The following GRM7 variants were observed in gnomAD, a reference collection of about 807,000 sequenced individuals.
GRM7 encodes the protein glutamate metabotropic receptor 7, also known as metabotropic glutamate receptor 7.
In GRM7, 35 loss-of-function variants were observed where a neutral mutation model predicts 84.5. The observed-to-expected ratio is 0.41, with a 90% CI of 0.32 to 0.55. The LOEUF is 0.55. Among genes scored for constraint, GRM7 ranks in the 20% least tolerant of loss-of-function variants. The pLI is 0.19. For missense variants in GRM7, 1,003 were observed against 1,194.6 expected (o/e 0.84, Z 2.36); for synonymous variants, 487 against 455.1 (o/e 1.07, Z -0.89).
intron 3 of GRM7, among the ~76,000 whole-genome samples, chr3:7,299,832 G>T (rs1699936421): frequency 6.6e-6 from 1 of 151,922 alleles, no homozygotes; most frequent in Admixed American, 6.6e-5. Flanking sequence ...CATGTAATTT[G>T]GATTACAGTC....
intron 2 of GRM7, among the ~76,000 whole-genome samples, chr3:7,280,795 C>T (rs1699228541): frequency 6.6e-6 from 1 of 152,150 alleles, no homozygotes; most frequent in Non-Finnish European, 1.5e-5. Context: ...CCTCAAAGTG[C>T]TTACAATTGA....
intron 1 of GRM7, among the ~76,000 whole-genome samples, chr3:7,061,496 C>T (rs1442172018): frequency 6.6e-6 from 1 of 151,810 alleles, no homozygotes; most frequent in South Asian, 2.1e-4. Flanking sequence ...CCGGAGTTGA[C>T]TGTTTGTAGC....
chr3:7,322,836 A>T (rs1700838862), intron 4 of GRM7, among the ~76,000 whole-genome samples: 1 of 152,034 alleles, frequency 6.6e-6, no homozygotes, highest in Non-Finnish European at 1.5e-5. Flanking sequence ...GAAGCACAAA[A>T]TTCGTTATCC....
chr3:7,673,954 C>T, intron 8 of GRM7, among the ~76,000 whole-genome samples: 1 of 152,088 alleles, frequency 6.6e-6, no homozygotes, highest in East Asian at 1.9e-4. Flanking sequence ...CCTAAGCAGA[C>T]CAGGTTAAGT....
At chr3:7,010,801 T>C (rs1373368736) in intron 1 of GRM7, among the ~76,000 whole-genome samples, 2 of 152,184 alleles carry the variant, frequency 1.3e-5, no homozygotes, top group Non-Finnish European at 2.9e-5. Context: ...GTTCAGTCCC[T>C]TTTGTGGGAA....
intron 4 of GRM7, among the ~76,000 whole-genome samples, chr3:7,398,006 C>G (rs559837766): frequency 6.6e-6 from 1 of 152,020 alleles, no homozygotes; most frequent in Non-Finnish European, 1.5e-5. Flanking sequence ...AAACACCAAC[C>G]CCCCACCAAA....
At chr3:7,014,763 T>C (rs532517545) in intron 1 of GRM7, among the ~76,000 whole-genome samples, 7 of 152,310 alleles carry the variant, frequency 4.6e-5, no homozygotes, top group East Asian at 1.9e-4. Context: ...AGTTTAACCA[T>C]TGTATCCCCA....
At chr3:7,177,877 T>C (rs1695207688) in intron 2 of GRM7, among the ~76,000 whole-genome samples, 1 of 152,212 alleles carries the variant, frequency 6.6e-6, no homozygotes, top group African/African-American at 2.4e-5. Flanking sequence ...AATGCTTTTA[T>C]AATAAATTTT....
intron 1 of GRM7, among the ~76,000 whole-genome samples, chr3:7,106,074 C>A (rs1692624896): frequency 6.6e-6 from 1 of 151,512 alleles, no homozygotes; most frequent in Non-Finnish European, 1.5e-5. Context: ...CAACTTAATT[C>A]AGTCCATTTT....
intron 8 of GRM7, among the ~76,000 whole-genome samples, chr3:7,602,350 C>T (rs995272244): frequency 6.6e-6 from 1 of 152,080 alleles, no homozygotes; most frequent in Non-Finnish European, 1.5e-5. Flanking sequence ...AGAATGAACA[C>T]CAAAATTTAA....
intron 1 of GRM7, among the ~76,000 whole-genome samples, chr3:7,049,326 C>G (rs1696914264): frequency 6.6e-6 from 1 of 151,946 alleles, no homozygotes; most frequent in Non-Finnish European, 1.5e-5. Flanking sequence ...ACAATCATGG[C>G]AGAAGTCAAA....
chr3:7,405,030 A>C (rs1324252826), intron 4 of GRM7, among the ~76,000 whole-genome samples: 1 of 152,178 alleles, frequency 6.6e-6, no homozygotes, highest in African/African-American at 2.4e-5. Flanking sequence ...TATGAGAACC[A>C]GAGAACAGTA....
chr3:6,920,164 A>T (rs1037343211), intron 1 of GRM7, among the ~76,000 whole-genome samples: 21 of 152,300 alleles, frequency 1.4e-4, no homozygotes, highest in Admixed American at 3.9e-4. Flanking sequence ...AAATGCATTT[A>T]TACTCTTTAT....
At chr3:7,613,021 T>C (rs548750413) in intron 8 of GRM7, among the ~76,000 whole-genome samples, 9 of 151,632 alleles carry the variant, frequency 5.9e-5, no homozygotes, top group Non-Finnish European at 1.3e-4. Flanking sequence ...CATGAATATA[T>C]AGTGTTTCCA....
At chr3:6,884,120 A>C (rs1318021435) in intron 1 of GRM7, 1 of 152,692 alleles carries the variant, frequency 6.5e-6, no homozygotes, top group Admixed American at 6.5e-5. Context: ...TGACAGATCT[A>C]TTCAGTACAA....
chr3:6,888,867 T>A (rs1341158577), intron 1 of GRM7, among the ~76,000 whole-genome samples: 1 of 152,224 alleles, frequency 6.6e-6, no homozygotes, highest in Non-Finnish European at 1.5e-5. Context: ...CCCATGAGCA[T>A]GGAATGTTCT....
At chr3:7,295,464 A>G (rs554477353) in intron 2 of GRM7, among the ~76,000 whole-genome samples, 2 of 152,258 alleles carry the variant, frequency 1.3e-5, no homozygotes, top group African/African-American at 4.8e-5. Context: ...TGTTTTGACT[A>G]TTTCCTTTAC....
At position 7,399,001 on chromosome 3, in the gene GRM7, T is replaced by G. The variant is rs377146961; in HGVS notation, c.1034-16022T>G. Among the ~76,000 whole-genome samples, 11 of 152,144 alleles carry G rather than the reference T, an allele frequency of 7.2e-5. No homozygotes were observed. The East Asian group carries it at 1.2e-3, about 16-fold the overall frequency. ...AGCTCTTCCCTTCACACACCATTCT[T>G]TCTTTATATATTTTCTATTGATGAT... is the stretch of plus-strand genomic sequence containing the variant. On this transcript the variant is annotated intron_variant, in intron 4 of 9. Transcript: ENST00000357716.
intron 1 of GRM7, among the ~76,000 whole-genome samples, chr3:6,934,979 T>C (rs1516559): frequency 0.073 from 11,135 of 152,294 alleles, 562 homozygotes; most frequent in Non-Finnish European, 0.11. Flanking sequence ...TTAGAAGTTC[T>C]GAGAAACTCA....
Sources: gnomAD v4.1 joint callset for allele counts (sites outside exome capture counted in the v4.1 genomes callset) on GRCh38, gnomAD v4.1.1 for gene constraint, MANE v1.5 for transcripts, NCBI Gene and HGNC (gene_info 2026-07-23, HGNC 2026-07-21) for gene names.